Variants in STARD13 observed in about 807,000 individuals in gnomAD.
STARD13 encodes the protein stAR-related lipid transfer protein 13.
In STARD13, 62 loss-of-function variants were observed where a neutral mutation model predicts 106.4. The ratio of observed to expected loss-of-function variants is 0.58; its 90% CI spans 0.48 to 0.72. STARD13 has a LOEUF of 0.72. STARD13 is among the 30% of genes least tolerant of loss of function. The probability of loss-of-function intolerance (pLI) is 0.00; values close to 1 mark genes in which losing one functional copy is unlikely to be tolerated. For synonymous variants in STARD13, 565 were observed against 553.0 expected (o/e 1.02, Z -0.31); for missense variants, 1,387 against 1,424.0 (o/e 0.97, Z 0.42).
At chr13:33,213,425 G>C (rs117217907) in intron 1 of STARD13, among the ~76,000 whole-genome samples, 6,270 of 152,268 alleles carry the variant, frequency 0.041, 165 homozygotes, top group East Asian at 0.071. Flanking sequence ...GTTCACAAGA[G>C]AGGCTCAGAA....
intron 1 of STARD13, among the ~76,000 whole-genome samples, chr13:33,267,635 C>A (rs1405322713): frequency 1.3e-5 from 2 of 152,210 alleles, no homozygotes; most frequent in African/African-American, 2.4e-5. Flanking sequence ...GAATGGAAGA[C>A]TAGTTTCCCC....
chr13:33,361,725 A>G, the STARD13 span, among the ~76,000 whole-genome samples: 1 of 152,166 alleles, frequency 6.6e-6, no homozygotes, highest in Admixed American at 6.5e-5. Context: ...TGAAAGGGGA[A>G]TTGCTACACA....
Position 33,129,935 on chromosome 13 carries a change from T to C in STARD13, c.742A>G (p.Asn248Asp). 6.2e-7 allele frequency: 1 copy of C among 1,613,408 alleles called. No homozygotes were observed. The highest frequency in any genetic ancestry group is 8.5e-7 in the Non-Finnish European group (1 of 1,179,946). The change falls in exon 5 of 14, where the codon AAT (asparagine) becomes GAT (aspartate). Residue 248 changes from asparagine (N) to aspartate (D), a missense_variant. Physicochemically the swap from Asn to Asp is conservative, Grantham distance 23. Transcript: ENST00000336934. ...GCCCTAGCCCTCGTGGGCTTCTCAT[T>C]CTTGGGGTGGAAGGGGTGGTTGAGG... is the stretch of plus-strand genomic sequence containing the variant. ...DVLNHPFHPK[N>D]EKPTRARAKS... is the part of the protein sequence containing the mutation.
chr13:33,309,887 CA>C (rs1333257428), intron 1 of STARD13, among the ~76,000 whole-genome samples: 1 of 152,144 alleles, frequency 6.6e-6, no homozygotes, highest in African/African-American at 2.4e-5. Context: ...AGCTCTGACC[CA>C]CCTGTTCCTG....
the STARD13 span, among the ~76,000 whole-genome samples, chr13:33,612,399 CTG>C: frequency 6.6e-6 from 1 of 152,060 alleles, no homozygotes; most frequent in South Asian, 2.1e-4. Context: ...TGATGCCTTC[CTG>C]TGTGTGTGTG....
the STARD13 span, among the ~76,000 whole-genome samples, chr13:33,379,795 G>A: frequency 6.6e-6 from 1 of 152,212 alleles, no homozygotes; most frequent in South Asian, 2.1e-4. Context: ...TCTGATCCCA[G>A]GGTTCACATG....
intron 3 of STARD13, among the ~76,000 whole-genome samples, chr13:33,144,324 A>C (rs1283417982): frequency 6.6e-6 from 1 of 152,244 alleles, no homozygotes; most frequent in African/African-American, 2.4e-5. Flanking sequence ...CACAATCTAC[A>C]TTCGTTGATC....
At chr13:33,586,022 A>C in the STARD13 span, among the ~76,000 whole-genome samples, 1 of 152,244 alleles carries the variant, frequency 6.6e-6, no homozygotes, top group South Asian at 2.1e-4. Context: ...TAGTGGATGC[A>C]CAACACTGTG....
chr13:33,209,123 G>A (rs1232570612), intron 1 of STARD13, among the ~76,000 whole-genome samples: 1 of 152,186 alleles, frequency 6.6e-6, no homozygotes. Context: ...AGTGGAATGT[G>A]CATGGGTGGG....
At chr13:33,139,726 G>C (rs1348803624) in intron 4 of STARD13, among the ~76,000 whole-genome samples, 1 of 151,772 alleles carries the variant, frequency 6.6e-6, no homozygotes, top group Non-Finnish European at 1.5e-5. Context: ...GTGATCATTT[G>C]GCCTAGTCTT....
At chr13:33,477,594 G>A in the STARD13 span, among the ~76,000 whole-genome samples, 1 of 152,160 alleles carries the variant, frequency 6.6e-6, no homozygotes, top group South Asian at 2.1e-4. Context: ...TGATGGGATG[G>A]GAGGTCAGAC....
intron 1 of STARD13, among the ~76,000 whole-genome samples, chr13:33,275,356 G>A (rs935456480): frequency 3.9e-5 from 6 of 152,178 alleles, no homozygotes; most frequent in Non-Finnish European, 7.3e-5. Context: ...AGGGTCATAT[G>A]TACATGGATG....
intron 1 of STARD13, among the ~76,000 whole-genome samples, chr13:33,233,012 G>A (rs1889000577): frequency 6.6e-6 from 1 of 152,210 alleles, no homozygotes; most frequent in African/African-American, 2.4e-5. Flanking sequence ...ATTCTGTGCT[G>A]AGAACAGCAA....
At chr13:33,479,399 A>C in the STARD13 span, among the ~76,000 whole-genome samples, 1 of 152,242 alleles carries the variant, frequency 6.6e-6, no homozygotes, top group Non-Finnish European at 1.5e-5. Context: ...ATGCAGAGAC[A>C]AAAATGCAAA....
the STARD13 span, among the ~76,000 whole-genome samples, chr13:33,606,932 C>A: frequency 1.3e-5 from 2 of 152,162 alleles, no homozygotes; most frequent in South Asian, 4.1e-4. Flanking sequence ...ACTTTAGGAC[C>A]CTTTCATTTA....
chr13:33,559,552 T>C, the STARD13 span, among the ~76,000 whole-genome samples: 1 of 151,482 alleles, frequency 6.6e-6, no homozygotes, highest in Non-Finnish European at 1.5e-5. Context: ...ATGAGATTAG[T>C]GTCCTTATAA....
the STARD13 span, among the ~76,000 whole-genome samples, chr13:33,486,270 G>A: frequency 6.6e-6 from 1 of 152,018 alleles, no homozygotes; most frequent in African/African-American, 2.4e-5. Flanking sequence ...ACCGAGAAGA[G>A]GGCAGCTGCA....
intron 1 of STARD13, among the ~76,000 whole-genome samples, chr13:33,178,089 A>C (rs1347082306): frequency 6.6e-6 from 1 of 152,112 alleles, no homozygotes; most frequent in Non-Finnish European, 1.5e-5. Flanking sequence ...GAGATTGATC[A>C]ATATTTTGTT....
chr13:33,194,803 G>C (rs1229337862), intron 1 of STARD13, among the ~76,000 whole-genome samples: 1 of 152,116 alleles, frequency 6.6e-6, no homozygotes, highest in East Asian at 1.9e-4. Flanking sequence ...TTTTTGAAAG[G>C]AGATTATATA....
Sources: allele counts gnomAD v4.1 joint callset (sites outside exome capture counted in the v4.1 genomes callset), GRCh38; gene constraint gnomAD v4.1.1; transcripts MANE v1.5; gene names NCBI Gene and HGNC (gene_info 2026-07-23, HGNC 2026-07-21).